ATP8B3: variants seen among roughly 807,000 people sequenced by gnomAD.
ATP8B3 encodes the protein phospholipid-transporting ATPase IK.
ATP8B3 carries 141 observed loss-of-function variants against 140.9 expected under a neutral mutation model. That is an observed-to-expected ratio of 1.00 (90% confidence interval 0.87 to 1.15). The LOEUF (loss-of-function observed/expected upper bound fraction) is 1.15. Among genes scored for constraint, ATP8B3 ranks in the 50% most tolerant of loss-of-function variants. The pLI is 0.00. For synonymous variants in ATP8B3, 765 were observed against 714.6 expected, an observed-to-expected ratio of 1.07 and a Z score of -1.13; for missense variants, 1,874 against 1,740.6, an observed-to-expected ratio of 1.08 and a Z score of -1.36.
chr19:1,799,136 C>G (rs1342494271), intron 14 of ATP8B3: 1 of 149,190 alleles, frequency 6.7e-6, no homozygotes, highest in Non-Finnish European at 1.5e-5. Flanking sequence ...GAGCAAGACC[C>G]CATCTCAAAA....
chr19:1,798,773 T>C (rs1462073093), intron 14 of ATP8B3: 2 of 151,304 alleles, frequency 1.3e-5, no homozygotes, highest in Non-Finnish European at 1.5e-5. Context: ...CAAACAAAAC[T>C]ATTTTATTTT....
chr19:1,803,852 C>T (rs750099297), intron 10 of ATP8B3, among the ~76,000 whole-genome samples: 53 of 148,006 alleles, frequency 3.6e-4, no homozygotes, highest in African/African-American at 1.2e-3. Context: ...ACCAAGATCG[C>T]GCCACTGCAC....
At chr19:1,792,191 A>T (rs2286004) in intron 18 of ATP8B3, 56 bp from the exon 19 acceptor site, 1 of 1,492,144 alleles carries the variant, frequency 6.7e-7, no homozygotes, top group Non-Finnish European at 8.9e-7. Context: ...TCCGAGGCTC[A>T]GCCCTCCCCA....
chr19:1,785,301 G>C lies in ATP8B3; in HGVS notation c.3394-4C>G. The stretch of plus-strand genomic sequence containing the variant: ...AGTACTTGATGATAAGAATGACCTG[G>C]ACAGGCAGCGGTGGGGTAAATCCGG... On this transcript the variant is annotated splice_polypyrimidine_tract_variant and splice_region_variant and intron_variant, in intron 26 of 28. Transcript: ENST00000310127. 6.3e-7 allele frequency: 1 copy of C among 1,588,276 alleles called. No individual in the cohort carries two copies. Among genetic ancestry groups the C allele is most frequent in the Non-Finnish European group, 8.6e-7 (1 of 1,166,384 alleles).
rs373963835 is a variant in ATP8B3, at chr19:1,793,640, T to C, written c.2056-1505A>G. 6.6e-5 allele frequency among the ~76,000 whole-genome samples: 10 copies of C among 152,070 alleles called. 1 individual carries two copies. Among genetic ancestry groups the C allele is most frequent in the Admixed American group, 6.5e-5 (1 of 15,284 alleles). ...AGGCACCCCAAGGGTGGTCGGGGGG[T>C]CCCCAAGGAAGGTGCCCTTACGGCT... On this transcript the variant is annotated intron_variant, in intron 18 of 28. Coordinates refer to ENST00000310127, the MANE Select transcript of ATP8B3 (RefSeq NM_138813.4).
At chr19:1,792,219 G>A (rs7258947) in intron 18 of ATP8B3, 84 bp from the exon 19 acceptor site, 601,438 of 1,426,342 alleles carry the variant, frequency 0.42, 130,973 homozygotes, top group Non-Finnish European at 0.45. Flanking sequence ...GCCGGGCTCC[G>A]GAGCCTGGGT....
chr19:1,784,946 T>G lies in ATP8B3; in HGVS notation c.3533A>C (p.Tyr1178Ser). The change falls in exon 28 of 29, where the codon TAT becomes TCT. Residue 1178 changes from tyrosine to serine, a missense_variant and splice_region_variant. Tyr to Ser is a moderately radical substitution (Grantham distance 144). Transcript: ENST00000310127. ...AGAGGACATCACGCTGAGGTCGGCA[T>G]CTGGGGACAGGGCGGGGTCACAGCA... ...RVSPTTFPFL[Y>S]ADLSVMSSPS... 2 of 1,606,960 alleles carry G rather than the reference T, an allele frequency of 1.2e-6. No individual in the cohort carries two copies. The highest frequency in any genetic ancestry group is 1.7e-6 in the Non-Finnish European group (2 of 1,176,522).
Position 1,785,699 on chromosome 19 carries a change from C to G in ATP8B3, c.3163G>C (p.Ala1055Pro), listed in dbSNP as rs781517177. The G allele has an allele frequency of 1.2e-6, 2 of 1,600,808 alleles. No homozygotes were observed. Among genetic ancestry groups the G allele is most frequent in the Non-Finnish European group, 1.7e-6 (2 of 1,173,994 alleles). ...YIGLFEQDVS[A>P]EQSLEKPELY... ...TCCGGCTTCTCCAGGCTCTGCTCTG[C>G]GCTCACGTCCTTGGGGCAAGCAGAA... Residue 1055 changes from alanine (A) to proline (P), a missense_variant, in exon 26 of 29, where the codon GCA becomes CCA. Transcript: ENST00000310127.
At position 1,802,702 on chromosome 19, in the gene ATP8B3, C is replaced by T. The variant is rs562741198; in HGVS notation, c.905-57G>A. On this transcript the variant is annotated intron_variant, in intron 10 of 28. Transcript: ENST00000310127. ...GGGCTCAGGCCCTCCTCCCCAGGTT[C>T]CCTGCACCGGGTGCAGGTGAGAACA... 17 of 1,555,760 alleles carry T rather than the reference C, an allele frequency of 1.1e-5. No homozygotes were observed. The South Asian group carries it at 1.8e-4, about 16-fold the overall frequency.
intron 25 of ATP8B3, among the ~76,000 whole-genome samples, 186 bp from the exon 26 acceptor site, chr19:1,785,894 G>A (rs1462161877): frequency 6.6e-6 from 1 of 152,134 alleles, no homozygotes; most frequent in Non-Finnish European, 1.5e-5. Context: ...ACTTTAGGAG[G>A]TCAAGGTGGG....
Position 1,794,936 on chromosome 19 carries a change from C to T in ATP8B3, c.2055+939G>A, listed in dbSNP as rs568430264. Reference sequence around the variant, plus strand: ...GTCCTGGCAGCTGGGCCAGCTCAACCGCACGGTCGTCTTGTGCAAATGAGA... The same window carrying T: ...GTCCTGGCAGCTGGGCCAGCTCAACTGCACGGTCGTCTTGTGCAAATGAGA... On this transcript the variant is annotated intron_variant, in intron 18 of 28. Transcript: ENST00000310127. The surrounding 1 kb of genome is among the most constrained non-coding windows in gnomAD (Gnocchi z 4.8). 7.2e-5 allele frequency among the ~76,000 whole-genome samples: 11 copies of T among 152,316 alleles called. No homozygotes were observed. Among genetic ancestry groups the T allele is most frequent in the East Asian group, 1.9e-4 (1 of 5,176 alleles).
chr19:1,798,751 A>C (rs2068756671), intron 14 of ATP8B3: 1 of 151,866 alleles, frequency 6.6e-6, no homozygotes, highest in African/African-American at 2.4e-5. Flanking sequence ...AAAAAAACAA[A>C]AAACAAACAA....
chr19:1,792,160 G>A, intron 18 of ATP8B3, 25 bp from the exon 19 acceptor site: 1 of 1,550,272 alleles, frequency 6.5e-7, no homozygotes, highest in Non-Finnish European at 8.7e-7. Flanking sequence ...GGTGGAAGCT[G>A]TCACCATGCT....
Position 1,806,737 on chromosome 19 carries a change from C to A in ATP8B3, c.616-48G>T, listed in dbSNP as rs1334705322. On this transcript the variant is annotated intron_variant, in intron 6 of 28. Coordinates refer to ENST00000310127, the MANE Select transcript of ATP8B3 (RefSeq NM_138813.4). The surrounding 1 kb of genome is among the most constrained non-coding windows in gnomAD (Gnocchi z 5.6). ...AGAGAGACCGTCCAGCCTCTCCTGC[C>A]CCCGCCCAGGCCGCTGCCGCACTGC... 1 of 1,543,628 alleles carries A rather than the reference C, an allele frequency of 6.5e-7. No individual in the cohort carries two copies. The highest frequency in any genetic ancestry group is 8.8e-7 in the Non-Finnish European group (1 of 1,140,858).
Position 1,811,726 on chromosome 19 carries a change from C to G in ATP8B3, c.11G>C (p.Gly4Ala). Residue 4 changes from glycine (G) to alanine (A), a missense_variant, in exon 2 of 29, where the codon GGC (glycine) becomes GCC (alanine). Coordinates refer to ENST00000310127, the MANE Select transcript of ATP8B3 (RefSeq NM_138813.4). ...GGTGCTCCTGGGAGTCTGAGCGGGG[C>G]CAGTGCCCATTCACCGCATGAGGAA... MGT[G>A]PAQTPRSTRA... is the part of the protein sequence containing the mutation. 1 of 1,593,504 alleles carries G rather than the reference C, an allele frequency of 6.3e-7. No homozygotes were observed. The highest frequency in any genetic ancestry group is 1.7e-5 in the Admixed American group (1 of 59,342).
At position 1,785,550 on chromosome 19, in the gene ATP8B3, C is replaced by T. The variant is rs369208925; in HGVS notation, c.3312G>A (p.Thr1104=). ...FFMTLWISRD[T]AGPASFSDHQ... ...GGTCGCTGAAGCTGGCGGGTCCCGC[C>T]GTGTCGCGGCTGATCCACAGTGTCA... Residue 1104 remains threonine, a synonymous_variant, in exon 26 of 29, where the codon ACG becomes ACA. Transcript: ENST00000310127. 2.5e-5 allele frequency: 41 copies of T among 1,612,862 alleles called. No individual in the cohort carries two copies. The highest frequency in any genetic ancestry group is 4.0e-5 in the African/African-American group (3 of 74,956).
Position 1,796,780 on chromosome 19 carries a change from G to T in ATP8B3, c.1684C>A (p.Arg562=), listed in dbSNP as rs533209157. 8 of 1,612,436 alleles carry T rather than the reference G, an allele frequency of 5.0e-6. No homozygotes were observed. Among genetic ancestry groups the T allele is most frequent in the Middle Eastern group, 1.7e-4 (1 of 6,060 alleles). ...ATGGCCAGCAGGCGCCAGAACTCCC[G>T]CACGGCCTCGTCCCCGTTGGTCCGC... ...LVRTNGDEAV[R]EFWRLLAICH... is the part of the protein sequence containing the mutation. Residue 562 remains arginine, a synonymous_variant, in exon 16 of 29, where the codon CGG becomes AGG. Transcript: ENST00000310127.
At chr19:1,799,869 CGT>C in intron 14 of ATP8B3, 76 bp downstream of exon 14, 1 of 1,379,988 alleles carries the variant, frequency 7.2e-7, no homozygotes, top group South Asian at 1.2e-5. Flanking sequence ...TGGGGCCAGA[CGT>C]GGCTCTGGTT....
chr19:1,811,469 C>T lies in ATP8B3; in HGVS notation c.248+20G>A. ...AGCCCCTGCCCCTGTGTTCCGGCCA[C>T]CCGATGCACCCGTCCTCACCCTTCT... On this transcript the variant is annotated intron_variant, in intron 2 of 28. Coordinates refer to ENST00000310127, the MANE Select transcript of ATP8B3 (RefSeq NM_138813.4). The T allele has an allele frequency of 6.2e-7, 1 of 1,605,476 alleles. No homozygotes were observed. The highest frequency in any genetic ancestry group is 8.5e-7 in the Non-Finnish European group (1 of 1,176,250).
Sources: gnomAD v4.1 joint callset for allele counts (sites outside exome capture counted in the v4.1 genomes callset) on GRCh38, gnomAD v4.1.1 for gene constraint, Gnocchi (gnomAD v3.1) non-coding constraint, MANE v1.5 for transcripts, NCBI Gene and HGNC (gene_info 2026-07-23, HGNC 2026-07-21) for gene names.